The following RPRD1B variants were observed in gnomAD, a reference collection of about 807,000 sequenced individuals.
RPRD1B encodes regulation of nuclear pre-mRNA domain containing 1B, also known as regulation of nuclear pre-mRNA domain-containing protein 1B.
In RPRD1B, 11 loss-of-function variants were observed where a neutral mutation model predicts 41.5. The ratio of observed to expected loss-of-function variants is 0.27; its 90% confidence interval spans 0.17 to 0.44. The LOEUF is 0.44. Among genes scored for constraint, RPRD1B ranks in the 20% least tolerant of loss-of-function variants. The probability of loss-of-function intolerance (pLI) is 1.00; values close to 1 mark genes in which losing one functional copy is unlikely to be tolerated. For missense variants in RPRD1B, 248 were observed against 389.9 expected (o/e 0.64, Z 3.06); for synonymous variants, 158 against 155.6 (o/e 1.02, Z -0.12).
At chr20:38,080,553 T>C (rs2074503193) in intron 6 of RPRD1B, among the ~76,000 whole-genome samples, 1 of 152,200 alleles carries the variant, frequency 6.6e-6, no homozygotes, top group South Asian at 2.1e-4. Context: ...GAGTCTTGAG[T>C]CTCTCTTTGT....
intron 3 of RPRD1B, among the ~76,000 whole-genome samples, chr20:38,054,832 G>C (rs2074223348): frequency 1.3e-5 from 2 of 152,128 alleles, no homozygotes; most frequent in Non-Finnish European, 1.5e-5. Flanking sequence ...TTTGAAGTTT[G>C]TACTTACCTT....
chr20:38,086,994 T>C (rs2074567444), intron 6 of RPRD1B, among the ~76,000 whole-genome samples: 1 of 152,128 alleles, frequency 6.6e-6, no homozygotes, highest in South Asian at 2.1e-4. Flanking sequence ...TTTCACTCTG[T>C]TGCCCAGGCT....
intron 5 of RPRD1B, among the ~76,000 whole-genome samples, chr20:38,063,424 T>A (rs1330886725): frequency 6.6e-6 from 1 of 152,228 alleles, no homozygotes; most frequent in Non-Finnish European, 1.5e-5. Context: ...AAGAGCCTAG[T>A]TATAAGAACT....
At chr20:38,063,582 G>C (rs1175602599) in intron 5 of RPRD1B, among the ~76,000 whole-genome samples, 2 of 152,204 alleles carry the variant, frequency 1.3e-5, no homozygotes, top group African/African-American at 4.8e-5. Flanking sequence ...GGTCAGTAGT[G>C]GGAGAGTGGT....
chr20:38,061,914 A>C (rs574894329), intron 5 of RPRD1B, among the ~76,000 whole-genome samples: 5 of 152,096 alleles, frequency 3.3e-5, no homozygotes, highest in Admixed American at 1.3e-4. Flanking sequence ...GTGTATATGT[A>C]ATCTTATATG....
In RPRD1B at chr20:38,048,476, C is replaced by G. The variant is rs140300358; in HGVS notation, c.410C>G (p.Pro137Arg). The G allele has an allele frequency of 1.3e-4, 202 of 1,603,076 alleles. 1 individual carries two copies. Among genetic ancestry groups the G allele is most frequent in the Non-Finnish European group, 1.4e-4 (164 of 1,171,894 alleles). ...ATGGAGGACTCCAAGAGCCCTCCCC[C>G]CAAAGGTAGAAACATCACCACATGT... ...LSMEDSKSPP[P>R]KATEEKKSLK... Residue 137 changes from proline (P) to arginine (R), a missense_variant, in exon 3 of 7, where the codon CCC becomes CGC. Transcript: ENST00000373433.
At chr20:38,055,344 G>A (rs1460184868) in intron 3 of RPRD1B, among the ~76,000 whole-genome samples, 1 of 152,166 alleles carries the variant, frequency 6.6e-6, no homozygotes, top group Non-Finnish European at 1.5e-5. Flanking sequence ...CATCTTTTCT[G>A]TGGCTTTGCA....
In RPRD1B at chr20:38,090,968, C is replaced by T. The variant is rs1427741267; in HGVS notation, c.*1093C>T. 7.1e-6 allele frequency: 7 copies of T among 985,272 alleles called. No individual in the cohort carries two copies. Among genetic ancestry groups the T allele is most frequent in the African/African-American group, 1.7e-5 (1 of 57,208 alleles). 61.0% of individuals were successfully genotyped at this position (985,272 alleles called of 1,614,324 possible). A position where few individuals can be genotyped will look rare whatever the true frequency, so the allele number is the denominator to read the frequency against. On this transcript the variant is annotated 3_prime_UTR_variant, in exon 7 of 7. Transcript: ENST00000373433. ...TTGCGTCAGATGTTATTGAATAGCT[C>T]GTCTCGGGCAGGGGAAGCGGGGAGT... is the stretch of plus-strand genomic sequence containing the variant.
intron 3 of RPRD1B, among the ~76,000 whole-genome samples, chr20:38,056,284 A>C (rs1257884475): frequency 6.6e-6 from 1 of 152,110 alleles, no homozygotes; most frequent in Non-Finnish European, 1.5e-5. Flanking sequence ...CCAGCTACTC[A>C]GGAGGCTGAG....
chr20:38,042,964 A>T (rs574166295), intron 2 of RPRD1B, among the ~76,000 whole-genome samples: 1 of 152,360 alleles, frequency 6.6e-6, no homozygotes, highest in South Asian at 2.1e-4. Flanking sequence ...TGCTTTTCAT[A>T]CAAGTGCCTT....
intron 6 of RPRD1B, among the ~76,000 whole-genome samples, chr20:38,078,003 C>A (rs926536216): frequency 1.1e-4 from 17 of 151,844 alleles, no homozygotes; most frequent in Non-Finnish European, 1.8e-4. Flanking sequence ...TGGCAAAACC[C>A]CGTCTCTATC....
chr20:38,038,373 G>A (rs1419661289), intron 1 of RPRD1B, among the ~76,000 whole-genome samples: 4 of 149,894 alleles, frequency 2.7e-5, no homozygotes, highest in Non-Finnish European at 4.4e-5. Context: ...CAGTTGGCGC[G>A]ATCTCGGCTC....
intron 6 of RPRD1B, chr20:38,085,352 G>C (rs1322340362): frequency 2.0e-5 from 3 of 152,170 alleles, no homozygotes; most frequent in Non-Finnish European, 4.4e-5. Context: ...GAAAGGTTTA[G>C]TCCTGTGTTA....
At chr20:38,069,606 C>T (rs2074391549) in intron 6 of RPRD1B, among the ~76,000 whole-genome samples, 1 of 152,160 alleles carries the variant, frequency 6.6e-6, no homozygotes. Flanking sequence ...TTCAGGGAGT[C>T]AGCAAAGCCT....
At chr20:38,070,144 C>CT in intron 6 of RPRD1B, 2 of 964,166 alleles carry the variant, frequency 2.1e-6, no homozygotes, top group Non-Finnish European at 1.2e-6. Flanking sequence ...TACTACTTTT[C>CT]TTTTTTCCTT....
chr20:38,043,055 T>C (rs571006771), intron 2 of RPRD1B, among the ~76,000 whole-genome samples: 3 of 152,212 alleles, frequency 2.0e-5, no homozygotes, highest in African/African-American at 7.2e-5. Context: ...GTGCCAAGTA[T>C]GGATCCAGAC....
At chr20:38,070,495 G>GT in intron 6 of RPRD1B, 1 of 985,540 alleles carries the variant, frequency 1.0e-6, no homozygotes. Context: ...GAGAAGCTTT[G>GT]TTTGTGGTTG....
At chr20:38,060,281 G>A (rs1047614101) in intron 5 of RPRD1B, among the ~76,000 whole-genome samples, 5 of 152,138 alleles carry the variant, frequency 3.3e-5, no homozygotes, top group Admixed American at 3.3e-4. Context: ...CCTTACAAAA[G>A]CTCAGACCTT....
intron 3 of RPRD1B, among the ~76,000 whole-genome samples, chr20:38,055,566 C>T (rs370882215): frequency 6.6e-6 from 1 of 152,068 alleles, no homozygotes; most frequent in Non-Finnish European, 1.5e-5. Flanking sequence ...GATCTAGGCT[C>T]CCTCTGATGC....
Sources: gnomAD v4.1 joint callset for allele counts (sites outside exome capture counted in the v4.1 genomes callset) on GRCh38, gnomAD v4.1.1 for gene constraint, MANE v1.5 for transcripts, NCBI Gene and HGNC (gene_info 2026-07-23, HGNC 2026-07-21) for gene names.